The following CADM2 variants were observed in gnomAD, a reference collection of about 807,000 sequenced individuals.
The protein encoded by CADM2 is immunoglobulin superfamily member 4D.
A neutral mutation model predicts 49.8 loss-of-function variants in CADM2; 12 were observed. The ratio of observed to expected loss-of-function variants is 0.24; its 90% CI spans 0.15 to 0.39. The LOEUF is 0.39. Ranked by LOEUF, CADM2 falls within the 10% of genes least tolerant of loss-of-function variation. The pLI, the probability that CADM2 is intolerant of heterozygous loss-of-function variation, is 1.00. For missense variants in CADM2, 378 were observed against 492.3 expected (o/e 0.77, Z 2.20); for synonymous variants, 214 against 175.4 (o/e 1.22, Z -1.74).
intron 1 of CADM2, among the ~76,000 whole-genome samples, chr3:85,481,010 A>G (rs2039187312): frequency 6.6e-6 from 1 of 151,538 alleles, no homozygotes; most frequent in Non-Finnish European, 1.5e-5. Context: ...CTCTCAGCAC[A>G]TTTGAAGTCT....
At chr3:85,777,929 A>G (rs950400529) in intron 2 of CADM2, among the ~76,000 whole-genome samples, 2 of 152,212 alleles carry the variant, frequency 1.3e-5, no homozygotes, top group African/African-American at 4.8e-5. Flanking sequence ...TCTCATTTTA[A>G]TATGCATAGG....
At chr3:84,987,053 A>AAAAC (rs1559603763) in intron 1 of CADM2, among the ~76,000 whole-genome samples, 1 of 151,950 alleles carries the variant, frequency 6.6e-6, no homozygotes, top group African/African-American at 2.4e-5. Context: ...ACTCCGTCTC[A>AAAAC]AAAACAAAAC....
chr3:85,306,242 C>T (rs141254898), intron 1 of CADM2, among the ~76,000 whole-genome samples: 69 of 151,680 alleles, frequency 4.5e-4, no homozygotes, highest in African/African-American at 1.5e-3. Context: ...TAGTGTTTTG[C>T]TTTGCTGGAT....
chr3:85,137,291 T>A (rs899846811), intron 1 of CADM2, among the ~76,000 whole-genome samples: 1 of 152,006 alleles, frequency 6.6e-6, no homozygotes, highest in African/African-American at 2.4e-5. Context: ...TTTATAAGAC[T>A]TTGTGTCTTT....
At chr3:85,796,857 G>A (rs572775350) in intron 2 of CADM2, among the ~76,000 whole-genome samples, 13 of 152,162 alleles carry the variant, frequency 8.5e-5, no homozygotes, top group Admixed American at 4.6e-4. Flanking sequence ...AGCACTTTAA[G>A]AGGCCAAGAT....
intron 8 of CADM2, among the ~76,000 whole-genome samples, chr3:85,989,198 T>A (rs1394502173): frequency 6.6e-6 from 1 of 152,164 alleles, no homozygotes; most frequent in Non-Finnish European, 1.5e-5. Context: ...GGAGACTTTT[T>A]AACAGAAGGA....
intron 1 of CADM2, among the ~76,000 whole-genome samples, chr3:85,525,740 C>T (rs1006586830): frequency 7.9e-5 from 12 of 151,648 alleles, no homozygotes; most frequent in African/African-American, 2.7e-4. Flanking sequence ...TTCTTTTTTG[C>T]GTTCTTTTGG....
At chr3:85,720,184 T>C (rs1477144468) in intron 1 of CADM2, among the ~76,000 whole-genome samples, 1 of 152,182 alleles carries the variant, frequency 6.6e-6, no homozygotes, top group East Asian at 1.9e-4. Context: ...ATTCATTATT[T>C]TACTCATGGC....
intron 3 of CADM2, among the ~76,000 whole-genome samples, chr3:85,862,380 G>GT (rs2075569481): frequency 1.3e-5 from 2 of 152,084 alleles, no homozygotes; most frequent in African/African-American, 4.8e-5. Flanking sequence ...TATCCTTTAT[G>GT]TTGTATACTT....
chr3:84,998,227 G>C (rs921210728), intron 1 of CADM2, among the ~76,000 whole-genome samples: 1 of 152,114 alleles, frequency 6.6e-6, no homozygotes, highest in Non-Finnish European at 1.5e-5. Flanking sequence ...CCTGGTCTCA[G>C]TGCATGATCT....
intron 1 of CADM2, among the ~76,000 whole-genome samples, chr3:85,163,165 C>A (rs1387324125): frequency 1.3e-5 from 2 of 151,950 alleles, no homozygotes; most frequent in Non-Finnish European, 2.9e-5. Flanking sequence ...CTATCATTAA[C>A]AAAAACAATA....
chr3:85,942,906 C>A (rs1159485833), intron 7 of CADM2, among the ~76,000 whole-genome samples: 3 of 152,060 alleles, frequency 2.0e-5, no homozygotes, highest in African/African-American at 7.2e-5. Flanking sequence ...TGAGGAATCG[C>A]CACACCGACT....
intron 1 of CADM2, among the ~76,000 whole-genome samples, chr3:85,120,257 T>G (rs1459313297): frequency 1.3e-5 from 2 of 152,182 alleles, no homozygotes; most frequent in Admixed American, 6.5e-5. Context: ...AGTTCAACCA[T>G]TGTGGAAGAC....
intron 1 of CADM2, among the ~76,000 whole-genome samples, chr3:85,661,374 T>A (rs2065397868): frequency 8.2e-6 from 1 of 121,670 alleles, no homozygotes; most frequent in African/African-American, 3.0e-5. Context: ...TGAGATCATG[T>A]GGGACTTTCC....
intron 1 of CADM2, among the ~76,000 whole-genome samples, chr3:85,555,436 A>G (rs574032897): frequency 1.3e-5 from 2 of 152,300 alleles, no homozygotes; most frequent in Admixed American, 1.3e-4. Flanking sequence ...GTGACAAGGA[A>G]AAGAAGCTGG....
At chr3:85,866,987 T>G (rs942806188) in intron 3 of CADM2, among the ~76,000 whole-genome samples, 2 of 152,138 alleles carry the variant, frequency 1.3e-5, no homozygotes, top group African/African-American at 2.4e-5. Context: ...AATAACAGCA[T>G]GAATTTCACA....
chr3:85,688,608 G>A (rs1429225218), intron 1 of CADM2, among the ~76,000 whole-genome samples: 2 of 143,420 alleles, frequency 1.4e-5, no homozygotes, highest in Non-Finnish European at 3.0e-5. Context: ...TGTCACCCAA[G>A]CTAAGCTGGA....
At chr3:85,908,411 C>G (rs1285510438) in intron 5 of CADM2, among the ~76,000 whole-genome samples, 1 of 151,242 alleles carries the variant, frequency 6.6e-6, no homozygotes, top group Admixed American at 6.6e-5. Context: ...AAGGAGATTG[C>G]TATTCTACAA....
intron 1 of CADM2, among the ~76,000 whole-genome samples, chr3:85,512,183 C>T (rs550616371): frequency 5.3e-5 from 8 of 152,088 alleles, no homozygotes; most frequent in African/African-American, 1.9e-4. Context: ...GGTAGTCCCC[C>T]ATTGTCTGTT....
Sources: allele counts gnomAD v4.1 joint callset (sites outside exome capture counted in the v4.1 genomes callset), GRCh38; gene constraint gnomAD v4.1.1; transcripts MANE v1.5; gene names NCBI Gene and HGNC (gene_info 2026-07-23, HGNC 2026-07-21).